ALMS1: variants seen among roughly 807,000 people sequenced by gnomAD.
The protein encoded by ALMS1 is centrosome-associated protein ALMS1.
In ALMS1, 271 loss-of-function variants were observed where a neutral mutation model predicts 352.2. The ratio of observed to expected loss-of-function variants is 0.77; its 90% CI spans 0.70 to 0.85. ALMS1 has a LOEUF of 0.85. ALMS1 is among the 40% of genes least tolerant of loss of function. The pLI, the probability that ALMS1 is intolerant of heterozygous loss-of-function variation, is 0.00. For missense variants in ALMS1, 5,445 were observed against 4,870.7 expected (o/e 1.12, Z -3.51); for synonymous variants, 1,865 against 1,761.2 (o/e 1.06, Z -1.48).
chr2:73,558,869 A>G (rs1321941426), intron 14 of ALMS1, 103 bp from the exon 15 acceptor site: 6 of 1,263,976 alleles, frequency 4.7e-6, no homozygotes, highest in African/African-American at 3.0e-5. Context: ...TTTTTCTTCA[A>G]TATCAGTAAC....
chr2:73,432,058 G>T (rs1439114793), intron 6 of ALMS1, 140 bp from the exon 7 acceptor site: 2 of 657,690 alleles, frequency 3.0e-6, no homozygotes, highest in Non-Finnish European at 5.5e-6. Context: ...GTTCCTCTTT[G>T]TAAAAATGAA....
Position 73,459,388 on chromosome 2 carries a change from T to G in ALMS1, c.7674+4093T>G, listed in dbSNP as rs1558653942. The G allele has an allele frequency of 2.0e-5, 3 of 152,218 alleles. No homozygotes were observed. In the South Asian group the frequency reaches 6.2e-4, roughly 32 times the overall value. The allele number at this position is 152,218 out of a possible 1,614,324, so 9.4% of individuals were successfully genotyped here. ...TTAATAAATATTAGGGAGAGATTCT[T>G]TGAGACTGTAAATATCTCTAGTTTA... is the stretch of plus-strand genomic sequence containing the variant. On this transcript the variant is annotated intron_variant, in intron 9 of 22. Transcript: ENST00000613296.
chr2:73,400,136 G>T (rs568812822), intron 1 of ALMS1, among the ~76,000 whole-genome samples: 1 of 151,746 alleles, frequency 6.6e-6, no homozygotes, highest in South Asian at 2.1e-4. Context: ...TGGCAGAGGG[G>T]GGTCTCACTT....
intron 9 of ALMS1, among the ~76,000 whole-genome samples, chr2:73,462,347 A>T (rs1053213851): frequency 6.6e-6 from 1 of 152,210 alleles, no homozygotes; most frequent in African/African-American, 2.4e-5. Flanking sequence ...TTTCATATCC[A>T]GCGAAACTAA....
chr2:73,557,678 G>C (rs375955441), intron 14 of ALMS1, among the ~76,000 whole-genome samples: 2 of 152,006 alleles, frequency 1.3e-5, no homozygotes, highest in African/African-American at 4.8e-5. Flanking sequence ...TGTGAGACAC[G>C]GACCCTCTAA....
chr2:73,528,960 C>G (rs1414450664), intron 11 of ALMS1, among the ~76,000 whole-genome samples: 1 of 143,440 alleles, frequency 7.0e-6, no homozygotes, highest in Non-Finnish European at 1.5e-5. Flanking sequence ...TTATTTCAGT[C>G]TTTTTGTTAA....
chr2:73,438,860 G>T (rs776985898), intron 7 of ALMS1, among the ~76,000 whole-genome samples: 5 of 151,824 alleles, frequency 3.3e-5, no homozygotes, highest in Non-Finnish European at 7.4e-5. Context: ...CGAACATTTA[G>T]GATTGCTTTG....
chr2:73,463,269 A>T (rs573442091), intron 9 of ALMS1, among the ~76,000 whole-genome samples: 5 of 152,398 alleles, frequency 3.3e-5, no homozygotes, highest in African/African-American at 1.2e-4. Flanking sequence ...CCACAGTGCA[A>T]TCAAATTGGA....
intron 10 of ALMS1, among the ~76,000 whole-genome samples, chr2:73,508,159 T>A: frequency 6.6e-6 from 1 of 150,800 alleles, no homozygotes; most frequent in East Asian, 1.9e-4. Context: ...TTTCCTTTCC[T>A]TTCCTTTCTT....
chr2:73,442,419 T>C (rs1266899620), intron 7 of ALMS1, among the ~76,000 whole-genome samples: 1 of 152,180 alleles, frequency 6.6e-6, no homozygotes, highest in African/African-American at 2.4e-5. Context: ...CCACTTTCTC[T>C]AAGAGGATTT....
At chr2:73,556,742 G>C (rs191713477) in intron 13 of ALMS1, among the ~76,000 whole-genome samples, 2 of 150,330 alleles carry the variant, frequency 1.3e-5, no homozygotes, top group African/African-American at 2.5e-5. Context: ...TCTCACTGTC[G>C]CCCCGGCTGG....
intron 7 of ALMS1, 39 bp downstream of exon 7, chr2:73,432,330 G>T: frequency 7.0e-7 from 1 of 1,430,792 alleles, no homozygotes; most frequent in South Asian, 1.1e-5. Context: ...CCTACTTACG[G>T]ATACCTTGTG....
At chr2:73,573,546 C>T (rs1674990822) in intron 16 of ALMS1, 122 bp downstream of exon 16, 1 of 999,340 alleles carries the variant, frequency 1.0e-6, no homozygotes, top group Non-Finnish European at 1.6e-6. Context: ...CCATTTCTTA[C>T]CAACTGGAAA....
intron 12 of ALMS1, among the ~76,000 whole-genome samples, chr2:73,538,968 G>C (rs1370411355): frequency 6.6e-6 from 1 of 152,208 alleles, no homozygotes; most frequent in African/African-American, 2.4e-5. Flanking sequence ...GCAGGGCATA[G>C]CCAAACAAAA....
rs1280854716 is a variant in ALMS1, at chr2:73,491,251, A to T, written c.9292A>T (p.Thr3098Ser). 3.1e-6 allele frequency: 5 copies of T among 1,613,968 alleles called. No homozygotes were observed. In the Admixed American group the frequency reaches 5.0e-5, roughly 16 times the overall value. ...TGTATCTTCGAGATCACTGGAACCA[A>T]CCTCCAAATTATTGACCAGTAAACC... ...HTVSSRSLEP[T>S]SKLLTSKPVA... Residue 3098 changes from threonine (T) to serine (S), a missense_variant, in exon 10 of 23, where the codon ACC (threonine) becomes TCC (serine). Coordinates refer to ENST00000613296, the MANE Select transcript of ALMS1 (RefSeq NM_001378454.1).
rs754758293 is a variant in ALMS1, at chr2:73,448,723, C to T, written c.2196C>T (p.Asp732=). The T allele has an allele frequency of 1.0e-5, 16 of 1,605,182 alleles. No individual in the cohort carries two copies. In the Admixed American group the frequency reaches 1.7e-4, roughly 17 times the overall value. The change falls in exon 8 of 23, where the codon GAC becomes GAT. Residue 732 remains aspartate (D), a synonymous_variant. Coordinates refer to ENST00000613296, the MANE Select transcript of ALMS1 (RefSeq NM_001378454.1). ...TTTTTTACCAACAAGAGTTCGCAGA[C>T]AGTCATCAAACTGAAGAGACTCTTA... ...PGIFYQQEFA[D]SHQTEETLTK... is the part of the protein sequence containing the mutation.
chr2:73,557,376 C>T lies in ALMS1; in HGVS notation c.10213+22C>T, dbSNP rs78983290. 3,320 of 1,613,696 alleles carry T rather than the reference C, an allele frequency of 2.1e-3. 58 individuals carry two copies. In the African/African-American group the frequency reaches 0.038, roughly 18 times the overall value. On this transcript the variant is annotated intron_variant, in intron 14 of 22. Coordinates refer to ENST00000613296, the MANE Select transcript of ALMS1 (RefSeq NM_001378454.1). ...GCAGGTAGCTAAACTGGATTGTCTG[C>T]GTATTATTTTCTTCTGGTCTTCTAA...
intron 9 of ALMS1, among the ~76,000 whole-genome samples, 162 bp downstream of exon 9, chr2:73,455,457 G>A (rs1235397593): frequency 6.6e-6 from 1 of 152,158 alleles, no homozygotes; most frequent in African/African-American, 2.4e-5. Context: ...AGGCTGAAGT[G>A]CAGCAGTGCA....
At chr2:73,574,177 TAAAG>T (rs986121027) in intron 16 of ALMS1, among the ~76,000 whole-genome samples, 7 of 152,176 alleles carry the variant, frequency 4.6e-5, no homozygotes, top group East Asian at 3.8e-4. Context: ...TCTGTCTTCT[TAAAG>T]AAGGCACCAC....
Sources: allele counts gnomAD v4.1 joint callset (sites outside exome capture counted in the v4.1 genomes callset), GRCh38; gene constraint gnomAD v4.1.1; transcripts MANE v1.5; gene names NCBI Gene and HGNC (gene_info 2026-07-23, HGNC 2026-07-21).